TSPAN8: variants seen among roughly 807,000 people sequenced by gnomAD.
The protein encoded by TSPAN8 is tetraspanin 8.
Under a neutral mutation model 32.8 loss-of-function variants are expected in TSPAN8, and 21 were observed. The observed-to-expected ratio is 0.64, with a 90% CI of 0.45 to 0.92. The LOEUF (loss-of-function observed/expected upper bound fraction) is 0.92, where lower values mean the gene tolerates loss of function less well. TSPAN8 is among the 40% of genes least tolerant of loss of function. The pLI is 0.00. For missense variants in TSPAN8, 269 were observed against 281.9 expected, an observed-to-expected ratio of 0.95 and a Z score of 0.33; for synonymous variants, 95 against 94.6, an observed-to-expected ratio of 1.00 and a Z score of -0.03.
intron 2 of TSPAN8, among the ~76,000 whole-genome samples, chr12:71,150,933 G>T (rs1023096898): frequency 6.6e-6 from 1 of 152,122 alleles, no homozygotes; most frequent in Non-Finnish European, 1.5e-5. Context: ...ATAGAACTGT[G>T]AGTCTATTAA....
intron 6 of TSPAN8, among the ~76,000 whole-genome samples, chr12:71,133,728 A>T (rs1871592340): frequency 6.6e-6 from 1 of 152,222 alleles, no homozygotes; most frequent in Non-Finnish European, 1.5e-5. Context: ...CATGGAAAAC[A>T]CTAAAAAAGA....
intron 8 of TSPAN8, among the ~76,000 whole-genome samples, chr12:71,126,451 A>G (rs1871351875): frequency 6.6e-6 from 1 of 152,138 alleles, no homozygotes; most frequent in Non-Finnish European, 1.5e-5. Context: ...TAAGACAACT[A>G]TCATCTTTCA....
At chr12:71,152,909 A>C (rs979311226) in intron 2 of TSPAN8, among the ~76,000 whole-genome samples, 3 of 152,170 alleles carry the variant, frequency 2.0e-5, no homozygotes, top group Non-Finnish European at 2.9e-5. Flanking sequence ...TGAATATCGA[A>C]ATGCTGGATC....
intron 3 of TSPAN8, among the ~76,000 whole-genome samples, chr12:71,142,153 T>C (rs1009370099): frequency 2.0e-5 from 3 of 152,154 alleles, no homozygotes; most frequent in African/African-American, 7.2e-5. Flanking sequence ...GAGAAAAATA[T>C]AAACCAAGCC....
intron 2 of TSPAN8, among the ~76,000 whole-genome samples, chr12:71,156,274 A>AAAAAAAAAAAAAC (rs1872436379): frequency 4.7e-5 from 2 of 42,248 alleles, no homozygotes; most frequent in Non-Finnish European, 9.9e-5. Context: ...AAAAACAAAC[A>AAAAAAAAAAAAAC]AAAAAAAAAC....
rs763217771 is a variant in TSPAN8, at chr12:71,156,250, C to CAAAAAAAAAAAAAA, written c.60+1355_60+1368dup. On this transcript the variant is annotated intron_variant, in intron 2 of 8. Transcript: ENST00000247829. The stretch of plus-strand genomic sequence containing the variant: ...TCTTTAGTGAATATTCAAAGTTCTC[C>CAAAAAAAAAAAAAA]AAAAAAAAAAAAAAAAAACAAACAA... Among the ~76,000 whole-genome samples the CAAAAAAAAAAAAAA allele has an allele frequency of 1.9e-3, 47 of 24,338 alleles. 1 individual carries two copies. Among genetic ancestry groups the CAAAAAAAAAAAAAA allele is most frequent in the African/African-American group, 7.7e-3 (33 of 4,306 alleles). 16.0% of individuals were successfully genotyped at this position (24,338 alleles called of 152,430 possible).
chr12:71,139,040 C>A (rs1368576784), intron 4 of TSPAN8: 2 of 446,662 alleles, frequency 4.5e-6, no homozygotes, highest in African/African-American at 2.0e-5. Context: ...ATTATCCAAA[C>A]CCAATTTATC....
intron 2 of TSPAN8, among the ~76,000 whole-genome samples, chr12:71,155,272 C>T (rs1168052505): frequency 6.6e-6 from 1 of 152,114 alleles, no homozygotes; most frequent in African/African-American, 2.4e-5. Context: ...TGGCACTTGA[C>T]CATCAATGGC....
chr12:71,140,832 C>T (rs1306459439), intron 3 of TSPAN8, among the ~76,000 whole-genome samples: 1 of 152,216 alleles, frequency 6.6e-6, no homozygotes, highest in African/African-American at 2.4e-5. Context: ...TCTATAACCT[C>T]TATCTACTGG....
chr12:71,154,350 T>TAATAATAAG (rs1565790654), intron 2 of TSPAN8, among the ~76,000 whole-genome samples: 1 of 144,788 alleles, frequency 6.9e-6, no homozygotes, highest in East Asian at 2.2e-4. Context: ...ATAATAATAA[T>TAATAATAAG]AATAATCAGA....
intron 3 of TSPAN8, 105 bp from the exon 4 acceptor site, chr12:71,139,953 C>T: frequency 1.8e-6 from 2 of 1,123,858 alleles, no homozygotes; most frequent in Non-Finnish European, 1.2e-6. Context: ...AAGTCCTGTG[C>T]CAGGACCCTG....
intron 7 of TSPAN8, among the ~76,000 whole-genome samples, chr12:71,131,176 A>AT (rs1871508602): frequency 6.6e-6 from 1 of 152,096 alleles, no homozygotes; most frequent in Non-Finnish European, 1.5e-5. Context: ...CTCTATATTT[A>AT]TTTCCCCTTT....
At chr12:71,141,658 A>G (rs1179668073) in intron 3 of TSPAN8, among the ~76,000 whole-genome samples, 4 of 152,242 alleles carry the variant, frequency 2.6e-5, no homozygotes, top group Non-Finnish European at 4.4e-5. Flanking sequence ...CTAGCCAGAA[A>G]GCAGTGTGTT....
At chr12:71,153,720 G>A (rs1872329168) in intron 2 of TSPAN8, among the ~76,000 whole-genome samples, 1 of 152,198 alleles carries the variant, frequency 6.6e-6, no homozygotes, top group Admixed American at 6.5e-5. Flanking sequence ...ATAGACGGGA[G>A]AGTAGATATA....
chr12:71,155,819 C>T (rs1872408408), intron 2 of TSPAN8, among the ~76,000 whole-genome samples: 1 of 151,940 alleles, frequency 6.6e-6, no homozygotes, highest in African/African-American at 2.4e-5. Context: ...GCAACCTCCC[C>T]CTGCCAGGTT....
chr12:71,130,823 C>A (rs1183468977), intron 7 of TSPAN8, among the ~76,000 whole-genome samples: 2 of 152,000 alleles, frequency 1.3e-5, no homozygotes, highest in Non-Finnish European at 2.9e-5. Context: ...ATGAGGGTAT[C>A]TTGGCAAAAG....
intron 2 of TSPAN8, among the ~76,000 whole-genome samples, chr12:71,156,660 T>A (rs1312218878): frequency 6.6e-6 from 1 of 152,168 alleles, no homozygotes; most frequent in African/African-American, 2.4e-5. Flanking sequence ...AGAACAGAAA[T>A]ATAGCAACAC....
intron 7 of TSPAN8, among the ~76,000 whole-genome samples, chr12:71,132,162 T>C (rs1871537364): frequency 6.6e-6 from 1 of 152,196 alleles, no homozygotes; most frequent in African/African-American, 2.4e-5. Flanking sequence ...AACTTCTCAA[T>C]TGCAGCAATA....
In TSPAN8 at chr12:71,144,223, A is replaced by C. The variant is rs200033738; in HGVS notation, c.61-10T>G. On this transcript the variant is annotated splice_polypyrimidine_tract_variant and intron_variant, in intron 2 of 8. Coordinates refer to ENST00000247829, the MANE Select transcript of TSPAN8 (RefSeq NM_004616.3). ...TCAAGATACCACATAGCTGCAGAAA[A>C]AAACAAACAAACAAAAAGAATACAA... is the stretch of plus-strand genomic sequence containing the variant. The C allele has an allele frequency of 5.7e-5, 92 of 1,608,816 alleles. No homozygotes were observed. The highest frequency in any genetic ancestry group is 7.2e-5 in the Non-Finnish European group (85 of 1,178,780).
Sources: gnomAD v4.1 joint callset for allele counts (sites outside exome capture counted in the v4.1 genomes callset) on GRCh38, gnomAD v4.1.1 for gene constraint, MANE v1.5 for transcripts, NCBI Gene and HGNC (gene_info 2026-07-23, HGNC 2026-07-21) for gene names.